The following FIG4 variants were observed in gnomAD, a reference collection of about 807,000 sequenced individuals.
The protein encoded by FIG4 is polyphosphoinositide phosphatase.
Under a neutral mutation model 118.6 loss-of-function variants are expected in FIG4, and 112 were observed. That is an observed-to-expected ratio of 0.94 (90% confidence interval 0.81 to 1.11). FIG4 has a LOEUF of 1.11. Among genes scored for constraint, FIG4 ranks in the 50% least tolerant of loss-of-function variants. The probability of loss-of-function intolerance (pLI) is 0.00; values close to 1 mark genes in which losing one functional copy is unlikely to be tolerated. For synonymous variants in FIG4, 369 were observed against 381.2 expected (o/e 0.97, Z 0.37); for missense variants, 969 against 1,111.7 (o/e 0.87, Z 1.83).
At chr6:109,766,278 A>T (rs1349438927) in intron 14 of FIG4, among the ~76,000 whole-genome samples, 1 of 152,294 alleles carries the variant, frequency 6.6e-6, no homozygotes, top group Admixed American at 6.5e-5. Flanking sequence ...GCCTCCAGAA[A>T]TGTGAGAAAT....
At chr6:109,758,580 AT>A (rs2128390610) in intron 10 of FIG4, among the ~76,000 whole-genome samples, 1 of 152,344 alleles carries the variant, frequency 6.6e-6, no homozygotes, top group African/African-American at 2.4e-5. Flanking sequence ...ACCAAAAGCA[AT>A]GGCAACAAAA....
At chr6:109,812,648 A>T (rs931897758) in intron 22 of FIG4, among the ~76,000 whole-genome samples, 1 of 152,188 alleles carries the variant, frequency 6.6e-6, no homozygotes, top group African/African-American at 2.4e-5. Context: ...GTTATTAATG[A>T]TCCTGATGAG....
At chr6:109,767,798 G>A (rs1018804656) in intron 15 of FIG4, among the ~76,000 whole-genome samples, 4 of 152,262 alleles carry the variant, frequency 2.6e-5, no homozygotes, top group Non-Finnish European at 4.4e-5. Context: ...TGTGAACTCC[G>A]GAGGCAGAGC....
intron 20 of FIG4, among the ~76,000 whole-genome samples, chr6:109,791,942 C>T (rs1778149564): frequency 6.6e-6 from 1 of 152,120 alleles, no homozygotes; most frequent in Admixed American, 6.5e-5. Flanking sequence ...GGAAATTCAT[C>T]CTGTTCAATT....
intron 15 of FIG4, among the ~76,000 whole-genome samples, chr6:109,771,987 T>C (rs1777480377): frequency 6.6e-6 from 1 of 152,166 alleles, no homozygotes; most frequent in Non-Finnish European, 1.5e-5. Context: ...ATTTTTCTGC[T>C]CTCATGAGCA....
At chr6:109,814,248 C>T (rs746343208) in intron 22 of FIG4, among the ~76,000 whole-genome samples, 18 of 152,248 alleles carry the variant, frequency 1.2e-4, no homozygotes, top group Middle Eastern at 6.8e-3. Flanking sequence ...AAGCGATACT[C>T]CCACCTCAAC....
chr6:109,800,406 A>G (rs981440088), intron 22 of FIG4, among the ~76,000 whole-genome samples: 1 of 152,174 alleles, frequency 6.6e-6, no homozygotes, highest in Admixed American at 6.5e-5. Flanking sequence ...TTCTTTCCTC[A>G]GTACCTAGCA....
chr6:109,787,525 G>A (rs906752951), intron 18 of FIG4, among the ~76,000 whole-genome samples: 1 of 152,100 alleles, frequency 6.6e-6, no homozygotes, highest in African/African-American at 2.4e-5. Context: ...ATGACATTAG[G>A]TATATGTGTT....
chr6:109,743,886 C>T (rs1776403711), intron 10 of FIG4, 114 bp downstream of exon 10: 1 of 799,012 alleles, frequency 1.3e-6, no homozygotes, highest in Non-Finnish European at 2.2e-6. Flanking sequence ...GAGAGACGTG[C>T]AGATTATTAT....
chr6:109,818,994 G>C (rs1778934019), intron 22 of FIG4, among the ~76,000 whole-genome samples: 1 of 152,128 alleles, frequency 6.6e-6, no homozygotes, highest in African/African-American at 2.4e-5. Context: ...CTGCCCTTTA[G>C]CTTCCCAGTT....
chr6:109,786,819 A>C (rs1366621242), intron 18 of FIG4, among the ~76,000 whole-genome samples: 3 of 152,116 alleles, frequency 2.0e-5, no homozygotes, highest in African/African-American at 7.2e-5. Flanking sequence ...TAGTTCAGCC[A>C]CTTCCTGTGT....
At chr6:109,742,270 G>C (rs557573861) in intron 8 of FIG4, among the ~76,000 whole-genome samples, 1 of 152,160 alleles carries the variant, frequency 6.6e-6, no homozygotes, top group East Asian at 1.9e-4. Context: ...AGTGGAGCAA[G>C]GTTCAGGAAA....
At chr6:109,722,176 T>C (rs1211690937) in intron 3 of FIG4, among the ~76,000 whole-genome samples, 1 of 151,952 alleles carries the variant, frequency 6.6e-6, no homozygotes, top group African/African-American at 2.4e-5. Flanking sequence ...TTTTTTTTTT[T>C]CCTTCCTTCC....
At chr6:109,699,651 C>T (rs889814741) in intron 1 of FIG4, among the ~76,000 whole-genome samples, 3 of 151,838 alleles carry the variant, frequency 2.0e-5, no homozygotes, top group Admixed American at 6.6e-5. Flanking sequence ...TACAGGCCCA[C>T]GCCACCATGC....
At chr6:109,732,447 T>C (rs925103955) in intron 4 of FIG4, among the ~76,000 whole-genome samples, 190 bp from the exon 5 acceptor site, 2 of 152,184 alleles carry the variant, frequency 1.3e-5, no homozygotes, top group African/African-American at 2.4e-5. Context: ...ACTATAAAGT[T>C]AAAGGTCTCC....
rs1195068013 is a variant in FIG4, at chr6:109,825,323, C to A, written c.*58C>A. On this transcript the variant is annotated 3_prime_UTR_variant, in exon 23 of 23. Coordinates refer to ENST00000230124, the MANE Select transcript of FIG4 (RefSeq NM_014845.6). ...GATTAGCTTAGAACCTGTCTTGTCT[C>A]ATCTTCAAAAGGTAACTTATTAAAA... 3 of 1,511,902 alleles carry A rather than the reference C, an allele frequency of 2.0e-6. No homozygotes were observed. The highest frequency in any genetic ancestry group is 1.1e-5 in the South Asian group (1 of 88,720). The allele number at this position is 1,511,902 out of a possible 1,614,324, so 93.7% of individuals were successfully genotyped here.
At chr6:109,732,892 T>C (rs1776049450) in intron 5 of FIG4, among the ~76,000 whole-genome samples, 1 of 152,142 alleles carries the variant, frequency 6.6e-6, no homozygotes, top group Non-Finnish European at 1.5e-5. Flanking sequence ...AGGATATTTA[T>C]TCACATTATA....
chr6:109,738,698 T>A (rs1043047796), intron 7 of FIG4, among the ~76,000 whole-genome samples: 2 of 152,114 alleles, frequency 1.3e-5, no homozygotes, highest in Admixed American at 1.3e-4. Flanking sequence ...AGGTAATAAG[T>A]GTCATGCTTA....
At chr6:109,800,721 C>T (rs1016461182) in intron 22 of FIG4, among the ~76,000 whole-genome samples, 2 of 152,120 alleles carry the variant, frequency 1.3e-5, no homozygotes, top group South Asian at 2.1e-4. Context: ...CTCCATGTCC[C>T]ACTGGTTTTC....
Sources: gnomAD v4.1 joint callset for allele counts (sites outside exome capture counted in the v4.1 genomes callset) on GRCh38, gnomAD v4.1.1 for gene constraint, MANE v1.5 for transcripts, NCBI Gene and HGNC (gene_info 2026-07-23, HGNC 2026-07-21) for gene names.